Variants in CACNA1D observed in about 807,000 individuals in gnomAD.
CACNA1D encodes the protein voltage-dependent L-type calcium channel subunit alpha-1D.
CACNA1D carries 55 observed loss-of-function variants against 257.1 expected under a neutral mutation model. The observed-to-expected ratio is 0.21, with a 90% CI of 0.17 to 0.27. The LOEUF (loss-of-function observed/expected upper bound fraction) is 0.27, where lower values mean the gene tolerates loss of function less well. Ranked by LOEUF, CACNA1D falls within the 10% of genes least tolerant of loss-of-function variation. The probability of loss-of-function intolerance (pLI) is 1.00; values close to 1 mark genes in which losing one functional copy is unlikely to be tolerated. For missense variants in CACNA1D, 1,876 were observed against 2,784.0 expected (o/e 0.67, Z 7.34); for synonymous variants, 980 against 1,014.9 (o/e 0.97, Z 0.65).
At chr3:53,770,588 T>G (rs1290892413) in intron 32 of CACNA1D, 36 bp downstream of exon 32, 17 of 1,607,940 alleles carry the variant, frequency 1.1e-5, no homozygotes, top group Non-Finnish European at 1.4e-5. Flanking sequence ...TCTTTGTCTT[T>G]GAAGATCATA....
intron 3 of CACNA1D, among the ~76,000 whole-genome samples, chr3:53,566,795 A>G (rs2092849950): frequency 6.6e-6 from 1 of 152,110 alleles, no homozygotes; most frequent in Non-Finnish European, 1.5e-5. Flanking sequence ...AACTTGCACC[A>G]TTTAGGCAGC....
chr3:53,774,556 T>TA lies in CACNA1D; in HGVS notation c.4111-31_4111-30insA, dbSNP rs758223792. 1.4e-5 allele frequency: 18 copies of TA among 1,316,580 alleles called. No homozygotes were observed. The Admixed American group carries it at 2.8e-4, about 21-fold the overall frequency. 81.6% of individuals were successfully genotyped at this position (1,316,580 alleles called of 1,614,324 possible). A position where few individuals can be genotyped will look rare whatever the true frequency, so the allele number is the denominator to read the frequency against. ...GATTTTTTTTGCATGACGAAATCTA[T>TA]TCTCTTTTTCCTGACAACTTCTCCA... On this transcript the variant is annotated intron_variant, in intron 33 of 47. Coordinates refer to ENST00000350061, the MANE Select transcript of CACNA1D (RefSeq NM_001128840.3). This position sits in a 1 kb window ranked among gnomAD's most constrained non-coding sequence, Gnocchi z 4.3.
intron 3 of CACNA1D, among the ~76,000 whole-genome samples, chr3:53,617,048 C>A (rs774823879): frequency 3.3e-5 from 5 of 152,156 alleles, no homozygotes; most frequent in Non-Finnish European, 7.3e-5. Context: ...CCCAGCACAC[C>A]TGCCTGGAAT....
intron 3 of CACNA1D, among the ~76,000 whole-genome samples, chr3:53,593,738 A>G (rs992390430): frequency 6.6e-6 from 1 of 152,106 alleles, no homozygotes; most frequent in Non-Finnish European, 1.5e-5. Context: ...AGGAGCTGGG[A>G]TTTTTTCCTT....
intron 30 of CACNA1D, among the ~76,000 whole-genome samples, chr3:53,768,929 C>T (rs2095350406): frequency 6.6e-6 from 1 of 152,174 alleles, no homozygotes; most frequent in South Asian, 2.1e-4. Flanking sequence ...TCCTTGAAGC[C>T]CCTAACCGGA....
intron 4 of CACNA1D, among the ~76,000 whole-genome samples, chr3:53,657,861 A>C (rs780031846): frequency 6.6e-6 from 1 of 152,242 alleles, no homozygotes; most frequent in Non-Finnish European, 1.5e-5. Context: ...ATATTTCTAA[A>C]ATGTTAACTG....
In CACNA1D at chr3:53,625,090, A is replaced by T. The variant is rs552692593; in HGVS notation, c.484-25689A>T. On this transcript the variant is annotated intron_variant, in intron 3 of 47. Transcript: ENST00000350061. ...GGATAAAGAGGGCCCACCTGTCTCC[A>T]AATCCCTGGTAGCAGGCAGAGCTCA... Among the ~76,000 whole-genome samples, 5 of 152,314 alleles carry T rather than the reference A, an allele frequency of 3.3e-5. No homozygotes were observed. The East Asian group carries it at 5.8e-4, about 18-fold the overall frequency.
intron 3 of CACNA1D, among the ~76,000 whole-genome samples, chr3:53,540,073 C>T (rs946647772): frequency 2.6e-5 from 4 of 151,036 alleles, no homozygotes; most frequent in African/African-American, 4.9e-5. Context: ...TTTTGATGAA[C>T]ACATTCTTTT....
intron 14 of CACNA1D, among the ~76,000 whole-genome samples, chr3:53,725,455 C>G (rs945581520): frequency 1.3e-5 from 2 of 152,146 alleles, no homozygotes; most frequent in Non-Finnish European, 2.9e-5. Context: ...GGCTGTAGAT[C>G]TGTGGGATAA....
intron 3 of CACNA1D, among the ~76,000 whole-genome samples, chr3:53,555,098 C>T (rs2092613325): frequency 6.6e-6 from 1 of 152,128 alleles, no homozygotes; most frequent in Non-Finnish European, 1.5e-5. Context: ...CTATGTTTCC[C>T]ATAGCTTATA....
chr3:53,675,003 C>G (rs1048778653), intron 8 of CACNA1D, among the ~76,000 whole-genome samples: 2 of 152,232 alleles, frequency 1.3e-5, no homozygotes, highest in African/African-American at 4.8e-5. Flanking sequence ...GGAAACACTG[C>G]CTTTTCCAGA....
In CACNA1D at chr3:53,811,036, G is replaced by T. The variant is rs2095598088; in HGVS notation, c.6193-77G>T. 1 of 1,140,392 alleles carries T rather than the reference G, an allele frequency of 8.8e-7. No individual in the cohort carries two copies. The highest frequency in any genetic ancestry group is 2.3e-5 in the East Asian group (1 of 42,736). The allele number at this position is 1,140,392 out of a possible 1,614,324, so 70.6% of individuals were successfully genotyped here. On this transcript the variant is annotated intron_variant, in intron 47 of 47. Transcript: ENST00000350061. This position sits in a 1 kb window ranked among gnomAD's most constrained non-coding sequence, Gnocchi z 4.2. ...ACGGTGCAGTTAAGTTAGCACTGGA[G>T]TTGATTTTTCTGTCGTCCCCCTGCC... is the stretch of plus-strand genomic sequence containing the variant.
chr3:53,676,425 G>A (rs2094377665), intron 8 of CACNA1D, among the ~76,000 whole-genome samples: 1 of 152,098 alleles, frequency 6.6e-6, no homozygotes, highest in Non-Finnish European at 1.5e-5. Context: ...AACACTAGAG[G>A]TACTGCAAAA....
At chr3:53,580,814 T>G in intron 3 of CACNA1D, among the ~76,000 whole-genome samples, 1 of 152,250 alleles carries the variant, frequency 6.6e-6, no homozygotes, top group Admixed American at 6.5e-5. Flanking sequence ...TATGTCTTCA[T>G]CAAAGTTTCT....
At chr3:53,605,507 A>G (rs1228334643) in intron 3 of CACNA1D, among the ~76,000 whole-genome samples, 1 of 152,218 alleles carries the variant, frequency 6.6e-6, no homozygotes, top group African/African-American at 2.4e-5. Context: ...GACATTTTAC[A>G]GCATTTCTAT....
intron 8 of CACNA1D, among the ~76,000 whole-genome samples, chr3:53,692,352 A>T (rs1207394081): frequency 6.6e-6 from 1 of 152,204 alleles, no homozygotes; most frequent in East Asian, 1.9e-4. Flanking sequence ...CGAGTGGGAT[A>T]GTATCTGGAA....
Position 53,801,132 on chromosome 3 carries a change from T to C in CACNA1D, c.5115T>C (p.Asn1705=). 6.2e-7 allele frequency: 1 copy of C among 1,613,754 alleles called. No individual in the cohort carries two copies. Among genetic ancestry groups the C allele is most frequent in the Non-Finnish European group, 8.5e-7 (1 of 1,179,794 alleles). The change falls in exon 42 of 48, where the codon AAT becomes AAC. Residue 1705 remains asparagine, a synonymous_variant. Coordinates refer to ENST00000350061, the MANE Select transcript of CACNA1D (RefSeq NM_001128840.3). ...GGAGAGATTCCCTTCAGCAGACCAA[T>C]ACCACCCACCGTCCCCTGCATGTCC... ...SDRRDSLQQT[N]TTHRPLHVQR...
chr3:53,636,004 C>G (rs2093879061), intron 3 of CACNA1D, among the ~76,000 whole-genome samples: 1 of 152,188 alleles, frequency 6.6e-6, no homozygotes, highest in Non-Finnish European at 1.5e-5. Context: ...GTAGTTCTTT[C>G]TGACCATTGG....
At chr3:53,794,788 G>A (rs2106692784) in intron 40 of CACNA1D, among the ~76,000 whole-genome samples, 1 of 152,342 alleles carries the variant, frequency 6.6e-6, no homozygotes, top group Admixed American at 6.5e-5. Flanking sequence ...ATGAGAGGAT[G>A]AGAGTGTTGA....
Sources: allele counts gnomAD v4.1 joint callset (sites outside exome capture counted in the v4.1 genomes callset), GRCh38; gene constraint gnomAD v4.1.1; non-coding constraint Gnocchi (gnomAD v3.1); transcripts MANE v1.5; gene names NCBI Gene and HGNC (gene_info 2026-07-23, HGNC 2026-07-21).